Variants in KCNQ5 observed in about 807,000 individuals in gnomAD.
KCNQ5 encodes potassium voltage-gated channel subfamily Q member 5.
Under a neutral mutation model 98.2 loss-of-function variants are expected in KCNQ5, and 30 were observed. That is an observed-to-expected ratio of 0.31 (90% CI 0.23 to 0.41). KCNQ5 has a LOEUF of 0.41. Ranked by LOEUF, KCNQ5 falls within the 10% of genes least tolerant of loss-of-function variation. The pLI is 1.00. For missense variants in KCNQ5, 835 were observed against 1,182.5 expected (o/e 0.71, Z 4.31); for synonymous variants, 458 against 449.4 (o/e 1.02, Z -0.24).
intron 1 of KCNQ5, among the ~76,000 whole-genome samples, chr6:72,848,412 T>G (rs1777106347): frequency 6.6e-6 from 1 of 152,108 alleles, no homozygotes; most frequent in Non-Finnish European, 1.5e-5. Context: ...AGTGATAAAG[T>G]TTACGCATGA....
At chr6:72,976,772 G>A (rs12210749) in intron 1 of KCNQ5, among the ~76,000 whole-genome samples, 14,693 of 152,188 alleles carry the variant, frequency 0.097, 838 homozygotes, top group East Asian at 0.23. Flanking sequence ...TATTTAGGCA[G>A]CTTCAAATAG....
At chr6:72,942,117 T>C (rs560918633) in intron 1 of KCNQ5, among the ~76,000 whole-genome samples, 1 of 152,278 alleles carries the variant, frequency 6.6e-6, no homozygotes, top group Admixed American at 6.5e-5. Context: ...GGGAGGCAGG[T>C]AACAGAGGTG....
chr6:73,028,899 A>G (rs1186744532), intron 2 of KCNQ5, among the ~76,000 whole-genome samples: 2 of 152,162 alleles, frequency 1.3e-5, no homozygotes, highest in African/African-American at 4.8e-5. Context: ...ACAACCAAAT[A>G]AAGGAGCAGG....
chr6:72,870,064 A>G (rs1239122625), intron 1 of KCNQ5, among the ~76,000 whole-genome samples: 1 of 152,196 alleles, frequency 6.6e-6, no homozygotes, highest in Non-Finnish European at 1.5e-5. Context: ...AAGTACAGCT[A>G]TTTCTGAAGT....
chr6:72,890,186 T>A (rs189752738), intron 1 of KCNQ5, among the ~76,000 whole-genome samples: 10 of 152,358 alleles, frequency 6.6e-5, no homozygotes, highest in Admixed American at 4.6e-4. Flanking sequence ...GGTTTGGACA[T>A]ATGTACATAT....
chr6:72,902,898 T>C (rs1779565311), intron 1 of KCNQ5, among the ~76,000 whole-genome samples: 1 of 152,072 alleles, frequency 6.6e-6, no homozygotes, highest in Non-Finnish European at 1.5e-5. Flanking sequence ...TATGAAATAG[T>C]GTCAACAGGA....
chr6:73,079,090 T>G (rs1342176263), intron 5 of KCNQ5, among the ~76,000 whole-genome samples: 1 of 152,138 alleles, frequency 6.6e-6, no homozygotes, highest in East Asian at 1.9e-4. Flanking sequence ...TTGCTTGAGC[T>G]CAGGCATTTG....
intron 11 of KCNQ5, among the ~76,000 whole-genome samples, chr6:73,186,942 G>T (rs191845584): frequency 3.3e-4 from 50 of 151,842 alleles, no homozygotes; most frequent in Admixed American, 6.6e-4. Flanking sequence ...CCCTCCCCCT[G>T]CTCCCTACCC....
At chr6:72,836,474 A>G (rs1776508179) in intron 1 of KCNQ5, among the ~76,000 whole-genome samples, 2 of 152,102 alleles carry the variant, frequency 1.3e-5, no homozygotes, top group East Asian at 1.9e-4. Flanking sequence ...GGGTCACTCA[A>G]TCACCCAGGC....
intron 7 of KCNQ5, among the ~76,000 whole-genome samples, chr6:73,115,732 T>C (rs556331245): frequency 5.9e-5 from 9 of 152,318 alleles, no homozygotes; most frequent in African/African-American, 2.2e-4. Flanking sequence ...ATCTCAAAAA[T>C]TAATCTACCA....
chr6:72,820,165 C>T (rs967660169), intron 1 of KCNQ5, among the ~76,000 whole-genome samples: 3 of 152,234 alleles, frequency 2.0e-5, no homozygotes, highest in South Asian at 2.1e-4. Flanking sequence ...CATATGTCAG[C>T]TTCTCTTGTC....
intron 1 of KCNQ5, among the ~76,000 whole-genome samples, chr6:72,632,497 T>G (rs2098921569): frequency 6.6e-6 from 1 of 152,114 alleles, no homozygotes; most frequent in Admixed American, 6.5e-5. Context: ...GGGGTACTTG[T>G]GCAGGTTTGT....
At chr6:73,118,107 A>AT in intron 7 of KCNQ5, among the ~76,000 whole-genome samples, 1 of 152,324 alleles carries the variant, frequency 6.6e-6, no homozygotes, top group East Asian at 1.9e-4. Context: ...AAAAGAGCAC[A>AT]TATCTTAGGA....
intron 5 of KCNQ5, among the ~76,000 whole-genome samples, chr6:73,101,134 C>G (rs182046320): frequency 6.6e-6 from 1 of 152,264 alleles, no homozygotes; most frequent in East Asian, 1.9e-4. Context: ...TAAACTCATT[C>G]TATGAGGCCA....
intron 1 of KCNQ5, among the ~76,000 whole-genome samples, chr6:72,765,526 A>G (rs1772522257): frequency 6.6e-6 from 1 of 152,050 alleles, no homozygotes; most frequent in Non-Finnish European, 1.5e-5. Context: ...AGACTGAAAT[A>G]AGAGTGTTCT....
rs528427155 is a variant in KCNQ5 at position 72,859,606 on chromosome 6, T to TC, written c.399-144301dup. Among the ~76,000 whole-genome samples, 37 of 143,060 alleles carry TC rather than the reference T, an allele frequency of 2.6e-4. No homozygotes were observed. In the South Asian group the frequency reaches 7.7e-3, roughly 30 times the overall value. The allele number at this position is 143,060 out of a possible 152,430, so 93.9% of individuals were successfully genotyped here. On this transcript the variant is annotated intron_variant, in intron 1 of 13. Transcript: ENST00000370398. Reference sequence around the variant, plus strand: ...TTTTTTTTCTTTTGGAGCCAGGGTCTCACTCTGTCTGTCGCCCAGGCTGAA... The same window carrying TC: ...TTTTTTTTCTTTTGGAGCCAGGGTCTCCACTCTGTCTGTCGCCCAGGCTGAA...
chr6:72,697,392 C>T (rs186686011), intron 1 of KCNQ5, among the ~76,000 whole-genome samples: 3 of 152,174 alleles, frequency 2.0e-5, no homozygotes, highest in South Asian at 2.1e-4. Flanking sequence ...TGGGTCACAA[C>T]TTTATTTCAA....
intron 1 of KCNQ5, among the ~76,000 whole-genome samples, chr6:72,913,355 C>T (rs1049590615): frequency 1.3e-5 from 2 of 151,906 alleles, no homozygotes; most frequent in African/African-American, 2.4e-5. Context: ...TGAGAGTTTA[C>T]GGTAGTAAGT....
At chr6:73,153,745 A>G (rs1018083140) in intron 10 of KCNQ5, among the ~76,000 whole-genome samples, 4 of 152,094 alleles carry the variant, frequency 2.6e-5, no homozygotes, top group South Asian at 4.1e-4. Context: ...TGTGTCCTTC[A>G]TTTCTGTTTT....
Sources: allele counts gnomAD v4.1 joint callset (sites outside exome capture counted in the v4.1 genomes callset), GRCh38; gene constraint gnomAD v4.1.1; transcripts MANE v1.5; gene names NCBI Gene and HGNC (gene_info 2026-07-23, HGNC 2026-07-21).